The following GAS7 variants were observed in gnomAD, a reference collection of about 807,000 sequenced individuals.
The protein encoded by GAS7 is growth arrest specific 7.
A neutral mutation model predicts 71.1 loss-of-function variants in GAS7; 28 were observed. The observed-to-expected ratio is 0.39, with a 90% CI of 0.29 to 0.54. The LOEUF is 0.54. GAS7 is among the 20% of genes least tolerant of loss of function. The pLI, the probability that GAS7 is intolerant of heterozygous loss-of-function variation, is 0.62. For synonymous variants in GAS7, 258 were observed against 245.8 expected (o/e 1.05, Z -0.46); for missense variants, 436 against 627.8 (o/e 0.69, Z 3.27).
intron 1 of GAS7, among the ~76,000 whole-genome samples, chr17:10,135,508 A>T (rs1304205869): frequency 6.6e-6 from 1 of 152,194 alleles, no homozygotes; most frequent in Non-Finnish European, 1.5e-5. Flanking sequence ...CTCTTCGATT[A>T]AGGGGGTGAG....
intron 1 of GAS7, among the ~76,000 whole-genome samples, chr17:10,115,878 C>T (rs1001024251): frequency 2.0e-5 from 3 of 152,142 alleles, no homozygotes; most frequent in African/African-American, 7.2e-5. Context: ...GAGTGAGGCA[C>T]GCTGTCCCTG....
intron 8 of GAS7, 123 bp from the exon 9 acceptor site, chr17:9,934,367 G>A: frequency 1.5e-6 from 1 of 682,880 alleles, no homozygotes. Flanking sequence ...CGCGGATGAG[G>A]CAGAAGTCAG....
chr17:10,091,866 T>C (rs779123932), intron 1 of GAS7, among the ~76,000 whole-genome samples: 6 of 151,984 alleles, frequency 3.9e-5, no homozygotes, highest in Non-Finnish European at 8.8e-5. Flanking sequence ...AATTTTTTTG[T>C]AGAGAGAGGG....
chr17:10,177,517 A>C (rs2074381927), intron 1 of GAS7, among the ~76,000 whole-genome samples: 2 of 152,096 alleles, frequency 1.3e-5, no homozygotes, highest in South Asian at 4.1e-4. Flanking sequence ...ATATTTACTA[A>C]GGACCAGGTT....
intron 1 of GAS7, among the ~76,000 whole-genome samples, chr17:10,180,515 A>C (rs1311596444): frequency 6.6e-6 from 1 of 152,100 alleles, no homozygotes; most frequent in East Asian, 1.9e-4. Context: ...CCAAGGAGTC[A>C]CCCAATAATC....
At chr17:10,128,071 G>A (rs1460001014) in intron 1 of GAS7, among the ~76,000 whole-genome samples, 1 of 152,172 alleles carries the variant, frequency 6.6e-6, no homozygotes, top group Non-Finnish European at 1.5e-5. Context: ...CCAGGCCTGG[G>A]AGCCAGGGCT....
At position 10,125,694 on chromosome 17, in the gene GAS7, G is replaced by A. The variant is rs955773116; in HGVS notation, c.183+72514C>T. On this transcript the variant is annotated intron_variant, in intron 1 of 13. Transcript: ENST00000432992. ...CAGGGTGGTGTAGAGAATGAGGCCC[G>A]GGTGTGAGGGGGTCAGCTGTGGGTG... Among the ~76,000 whole-genome samples the A allele has an allele frequency of 3.9e-5, 6 of 151,934 alleles. No homozygotes were observed. In the South Asian group the frequency reaches 1.0e-3, roughly 26 times the overall value.
intron 1 of GAS7, among the ~76,000 whole-genome samples, chr17:10,033,240 G>A (rs2072665987): frequency 6.6e-6 from 1 of 152,126 alleles, no homozygotes; most frequent in Non-Finnish European, 1.5e-5. Context: ...CTGGAAGGGT[G>A]AGGGCCCCTC....
Position 9,998,119 on chromosome 17 carries a change from T to TGTGACCTTCTAAGC in GAS7, c.305-16236_305-16235insGCTTAGAAGGTCAC, listed in dbSNP as rs1294805671. ...GAAGTTCCAACCTTCTAAGCATGCC[T>TGTGACCTTCTAAGC]TGGTCTTTCCTGTGACCAGCTGCCA... On this transcript the variant is annotated intron_variant, in intron 2 of 13. Transcript: ENST00000432992. Among the ~76,000 whole-genome samples the TGTGACCTTCTAAGC allele has an allele frequency of 2.6e-5, 4 of 152,252 alleles. No homozygotes were observed. In the East Asian group the frequency reaches 7.7e-4, roughly 29 times the overall value.
intron 8 of GAS7, among the ~76,000 whole-genome samples, chr17:9,939,334 C>T (rs868161212): frequency 6.6e-6 from 1 of 152,134 alleles, no homozygotes. Flanking sequence ...AAGCTTCTCC[C>T]AGCCCAGGTC....
At chr17:9,971,096 A>C (rs1282232261) in intron 3 of GAS7, among the ~76,000 whole-genome samples, 1 of 152,184 alleles carries the variant, frequency 6.6e-6, no homozygotes, top group Admixed American at 6.5e-5. Context: ...CACTTCATTT[A>C]AAAAAGGGAA....
At chr17:9,957,080 T>G (rs1260411775) in intron 5 of GAS7, among the ~76,000 whole-genome samples, 1 of 152,066 alleles carries the variant, frequency 6.6e-6, no homozygotes, top group Non-Finnish European at 1.5e-5. Context: ...TCCTCACTTG[T>G]TTTGTGACCT....
In GAS7 at chr17:10,026,098, C is replaced by A. The variant is rs1326167671; in HGVS notation, c.184-6201G>T. 2.9e-5 allele frequency: 27 copies of A among 924,576 alleles called. No individual in the cohort carries two copies. The highest frequency in any genetic ancestry group is 3.5e-5 in the Non-Finnish European group (27 of 774,244). The allele number at this position is 924,576 out of a possible 1,614,324, so 57.3% of individuals were successfully genotyped here. On this transcript the variant is annotated intron_variant, in intron 1 of 13. Coordinates refer to ENST00000432992, the MANE Select transcript of GAS7 (RefSeq NM_201433.2). This position sits in a 1 kb window ranked among gnomAD's most constrained non-coding sequence, Gnocchi z 4.5. The stretch of plus-strand genomic sequence containing the variant: ...AAGTTCAACCCGGATGCCACCTCCA[C>A]CTCCGGGACTCTCTCCCCCTCCGGA...
At chr17:10,189,240 A>G (rs140196623) in intron 1 of GAS7, among the ~76,000 whole-genome samples, 1 of 152,258 alleles carries the variant, frequency 6.6e-6, no homozygotes, top group Non-Finnish European at 1.5e-5. Flanking sequence ...ACACACCAGC[A>G]AGACCTGTTG....
At chr17:9,965,985 C>T (rs1369837392) in intron 4 of GAS7, among the ~76,000 whole-genome samples, 2 of 151,032 alleles carry the variant, frequency 1.3e-5, no homozygotes, top group South Asian at 4.2e-4. Flanking sequence ...CCGACACCCA[C>T]CCCCCAAAAT....
chr17:9,979,752 A>T (rs1478674295), intron 3 of GAS7, among the ~76,000 whole-genome samples: 3 of 150,546 alleles, frequency 2.0e-5, no homozygotes, highest in Non-Finnish European at 3.0e-5. Context: ...TTCACCGACC[A>T]CTCTGGCTGG....
intron 1 of GAS7, among the ~76,000 whole-genome samples, chr17:10,056,698 C>T (rs570245088): frequency 1.3e-5 from 2 of 152,026 alleles, no homozygotes; most frequent in South Asian, 2.1e-4. Flanking sequence ...GGTGAAACCC[C>T]GTCTCTACTA....
chr17:10,198,124 G>T, intron 1 of GAS7, 84 bp downstream of exon 1: 2 of 1,342,260 alleles, frequency 1.5e-6, no homozygotes, highest in Non-Finnish European at 1.0e-6. Flanking sequence ...GGGACGCTGC[G>T]GCATCCCCGG....
At chr17:10,064,756 T>C (rs534244993) in intron 1 of GAS7, among the ~76,000 whole-genome samples, 1 of 50,354 alleles carries the variant, frequency 2.0e-5, no homozygotes, top group South Asian at 4.3e-4. Context: ...CTGACACTGT[T>C]TGTTTAAGCC....
Sources: allele counts gnomAD v4.1 joint callset (sites outside exome capture counted in the v4.1 genomes callset), GRCh38; gene constraint gnomAD v4.1.1; non-coding constraint Gnocchi (gnomAD v3.1); transcripts MANE v1.5; gene names NCBI Gene and HGNC (gene_info 2026-07-23, HGNC 2026-07-21).